PEAK1: variants seen among roughly 807,000 people sequenced by gnomAD.
PEAK1 encodes pseudopodium enriched atypical kinase 1, also known as inactive tyrosine-protein kinase PEAK1.
PEAK1 carries 54 observed loss-of-function variants against 124.7 expected under a neutral mutation model. The ratio of observed to expected loss-of-function variants is 0.43; its 90% CI spans 0.35 to 0.54. The LOEUF is 0.54. Among genes scored for constraint, PEAK1 ranks in the 20% least tolerant of loss-of-function variants. PEAK1 has a pLI of 0.01. For synonymous variants in PEAK1, 719 were observed against 760.0 expected (o/e 0.95, Z 0.89); for missense variants, 2,046 against 2,134.5 (o/e 0.96, Z 0.82).
intron 6 of PEAK1, among the ~76,000 whole-genome samples, chr15:77,191,708 T>A (rs897491527): frequency 6.6e-6 from 1 of 152,168 alleles, no homozygotes; most frequent in African/African-American, 2.4e-5. Context: ...GATACTATTG[T>A]GCTTTAAGAA....
At chr15:77,219,963 T>C (rs1238994355) in intron 6 of PEAK1, among the ~76,000 whole-genome samples, 3 of 152,186 alleles carry the variant, frequency 2.0e-5, no homozygotes, top group Non-Finnish European at 4.4e-5. Context: ...TTGACTCATA[T>C]GCAAATTTTT....
At chr15:77,152,330 A>T (rs2054715673) in intron 8 of PEAK1, among the ~76,000 whole-genome samples, 1 of 152,000 alleles carries the variant, frequency 6.6e-6, no homozygotes, top group African/African-American at 2.4e-5. Flanking sequence ...ATTTTTGTAC[A>T]TTGATTTTGT....
chr15:77,305,780 C>T (rs968941439), intron 2 of PEAK1, among the ~76,000 whole-genome samples: 1 of 152,178 alleles, frequency 6.6e-6, no homozygotes, highest in Non-Finnish European at 1.5e-5. Context: ...ATAACCTGTG[C>T]ACATCTTCCC....
chr15:77,322,176 G>A (rs2065263421), intron 2 of PEAK1, among the ~76,000 whole-genome samples: 1 of 152,074 alleles, frequency 6.6e-6, no homozygotes, highest in Admixed American at 6.5e-5. Context: ...AGAGAAAGCA[G>A]GAAAGATCTA....
intron 1 of PEAK1, among the ~76,000 whole-genome samples, chr15:77,391,975 A>C (rs922746783): frequency 6.6e-6 from 1 of 152,206 alleles, no homozygotes; most frequent in African/African-American, 2.4e-5. Context: ...TTAGCCTATA[A>C]ACTATCTCTA....
At position 77,362,357 on chromosome 15, in the gene PEAK1, A is replaced by G. The variant is rs538707956; in HGVS notation, c.-603+2806T>C. Among the ~76,000 whole-genome samples, 119 of 152,292 alleles carry G rather than the reference A, an allele frequency of 7.8e-4. 1 individual carries two copies. The highest frequency in any genetic ancestry group is 2.8e-3 in the African/African-American group (115 of 41,566). Reference sequence around the variant, plus strand: ...TATTATTGTCAATTAAAAACTAAAAAAAAAAGAAAAAGAAAATGTTCAAAT... The same window carrying G: ...TATTATTGTCAATTAAAAACTAAAAGAAAAAGAAAAAGAAAATGTTCAAAT... On this transcript the variant is annotated intron_variant, in intron 2 of 9. Coordinates refer to ENST00000682557, the MANE Select transcript of PEAK1 (RefSeq NM_001385026.1).
At chr15:77,243,065 T>C (rs983745206) in intron 6 of PEAK1, among the ~76,000 whole-genome samples, 7 of 152,244 alleles carry the variant, frequency 4.6e-5, no homozygotes, top group African/African-American at 1.7e-4. Context: ...CCCCTGTTAA[T>C]TATGAAAGTC....
chr15:77,418,936 A>C, intron 1 of PEAK1: 1 of 985,440 alleles, frequency 1.0e-6, no homozygotes, highest in South Asian at 4.7e-5. Flanking sequence ...ACATCATCCA[A>C]TGACCTAAAA....
chr15:77,201,331 G>A (rs1046566317), intron 6 of PEAK1, among the ~76,000 whole-genome samples: 5 of 146,654 alleles, frequency 3.4e-5, no homozygotes, highest in African/African-American at 1.3e-4. Context: ...TCCACCTCCC[G>A]GGTTCACGCC....
chr15:77,348,789 TTG>T, intron 2 of PEAK1: 6 of 978,002 alleles, frequency 6.1e-6, no homozygotes, highest in Non-Finnish European at 7.3e-6. Context: ...TTTTTCTTTT[TTG>T]TTTTTGTGGG....
chr15:77,327,986 A>G lies in PEAK1; in HGVS notation c.-603+37177T>C, dbSNP rs139537233. 8.9e-3 allele frequency among the ~76,000 whole-genome samples: 1,362 copies of G among 152,260 alleles called. 7 individuals are homozygous for G. Among genetic ancestry groups the G allele is most frequent in the Non-Finnish European group, 0.012 (798 of 68,004 alleles). On this transcript the variant is annotated intron_variant, in intron 2 of 9. Transcript: ENST00000682557. Reference sequence around the variant, plus strand: ...AAAGATGCCTCCAATATCACAAATAATAGCAGTAGCTCAACTCCCTCACAG... The same window carrying G: ...AAAGATGCCTCCAATATCACAAATAGTAGCAGTAGCTCAACTCCCTCACAG...
At chr15:77,268,180 T>A (rs2061839138) in intron 5 of PEAK1, among the ~76,000 whole-genome samples, 1 of 152,046 alleles carries the variant, frequency 6.6e-6, no homozygotes, top group African/African-American at 2.4e-5. Context: ...AAAGAATTTT[T>A]AAAAAATGAA....
intron 1 of PEAK1, chr15:77,371,519 CCACCA>C (rs1189888813): frequency 1.5e-4 from 114 of 767,248 alleles, no homozygotes; most frequent in Non-Finnish European, 1.8e-4. Context: ...ACCACCACCA[CCACCA>C]CCACCACCAC....
chr15:77,207,342 G>T (rs2058709563), intron 6 of PEAK1, among the ~76,000 whole-genome samples: 1 of 152,120 alleles, frequency 6.6e-6, no homozygotes, highest in Non-Finnish European at 1.5e-5. Context: ...GATATCTGTG[G>T]ACTGGTCCTC....
intron 5 of PEAK1, among the ~76,000 whole-genome samples, chr15:77,263,165 T>C (rs1596983017): frequency 6.6e-6 from 1 of 152,002 alleles, no homozygotes; most frequent in African/African-American, 2.4e-5. Context: ...AGATCTAAAA[T>C]TGACACCATA....
intron 2 of PEAK1, among the ~76,000 whole-genome samples, chr15:77,297,203 G>A (rs2063528790): frequency 6.6e-6 from 1 of 151,790 alleles, no homozygotes; most frequent in South Asian, 2.1e-4. Context: ...TATGCTCTGA[G>A]GAAGTACTAC....
chr15:77,202,907 C>T (rs762463136), intron 6 of PEAK1, among the ~76,000 whole-genome samples: 6 of 151,282 alleles, frequency 4.0e-5, no homozygotes, highest in Admixed American at 1.3e-4. Flanking sequence ...TGTGGCAGTG[C>T]GCACCTGTAG....
chr15:77,305,947 G>T (rs993226418), intron 2 of PEAK1, among the ~76,000 whole-genome samples: 1 of 152,162 alleles, frequency 6.6e-6, no homozygotes, highest in Non-Finnish European at 1.5e-5. Flanking sequence ...CCACGGACAT[G>T]TAAGGCTGAC....
intron 5 of PEAK1, among the ~76,000 whole-genome samples, chr15:77,276,412 C>T (rs540745346): frequency 2.6e-5 from 4 of 152,216 alleles, no homozygotes; most frequent in East Asian, 1.9e-4. Flanking sequence ...TTAAAAACCA[C>T]GGAAGCCAGA....
Sources: allele counts gnomAD v4.1 joint callset (sites outside exome capture counted in the v4.1 genomes callset), GRCh38; gene constraint gnomAD v4.1.1; transcripts MANE v1.5; gene names NCBI Gene and HGNC (gene_info 2026-07-23, HGNC 2026-07-21).